Variants in FCRL5 observed in about 807,000 individuals in gnomAD.
The protein encoded by FCRL5 is Fc receptor-like protein 5.
Under a neutral mutation model 92.1 loss-of-function variants are expected in FCRL5, and 79 were observed. The ratio of observed to expected loss-of-function variants is 0.86; its 90% CI spans 0.72 to 1.03. The LOEUF (loss-of-function observed/expected upper bound fraction) is 1.03, where lower values mean the gene tolerates loss of function less well. Ranked by LOEUF, FCRL5 falls within the 50% of genes least tolerant of loss-of-function variation. FCRL5 has a pLI of 0.00. For synonymous variants in FCRL5, 466 were observed against 469.3 expected (o/e 0.99, Z 0.09); for missense variants, 1,160 against 1,181.1 (o/e 0.98, Z 0.26).
At chr1:157,547,578 A>T (rs979246863) in intron 2 of FCRL5, among the ~76,000 whole-genome samples, 1 of 152,218 alleles carries the variant, frequency 6.6e-6, no homozygotes, top group Non-Finnish European at 1.5e-5. Flanking sequence ...CACTTTCCCT[A>T]AGAGAATAAA....
At chr1:157,532,818 G>A (rs2101619740) in intron 8 of FCRL5, 1 of 152,262 alleles carries the variant, frequency 6.6e-6, no homozygotes, top group South Asian at 2.1e-4. Context: ...AGCCAGGGTT[G>A]AGAGCCAGTC....
intron 1 of FCRL5, among the ~76,000 whole-genome samples, chr1:157,549,830 G>A (rs1651735756): frequency 6.6e-6 from 1 of 152,028 alleles, no homozygotes. Flanking sequence ...AAGTTGACTA[G>A]TGGAAAAACA....
chr1:157,535,943 G>GTTT (rs60191062), intron 7 of FCRL5, among the ~76,000 whole-genome samples: 6 of 90,006 alleles, frequency 6.7e-5, no homozygotes, highest in Non-Finnish European at 8.5e-5. Flanking sequence ...ATGTGACTCA[G>GTTT]TTTTTTTTTT....
In FCRL5 at chr1:157,539,297, C is replaced by T; in HGVS notation, c.1191G>A (p.Val397=). 6.2e-7 allele frequency: 1 copy of T among 1,614,142 alleles called. No homozygotes were observed. Among genetic ancestry groups the T allele is most frequent in the South Asian group, 1.1e-5 (1 of 91,070 alleles). The stretch of plus-strand genomic sequence containing the variant: ...CTCTCTGGGCTTCACAGTGAAGTGT[C>T]ACCTTGGCTCCCTCAAAAATCAGGT... The part of the protein sequence containing the change: ...PEDLIFEGAK[V]TLHCEAQRGS... Residue 397 remains valine, a synonymous_variant, in exon 7 of 17, where the codon GTG becomes GTA. Transcript: ENST00000361835.
intron 6 of FCRL5, among the ~76,000 whole-genome samples, chr1:157,541,294 C>T (rs1462740525): frequency 1.3e-5 from 2 of 152,208 alleles, no homozygotes; most frequent in Non-Finnish European, 2.9e-5. Flanking sequence ...CTCTTTTACT[C>T]CTGGCTGCCC....
At chr1:157,534,372 G>C (rs1252443854) in intron 8 of FCRL5, 4 of 716,526 alleles carry the variant, frequency 5.6e-6, no homozygotes, top group Non-Finnish European at 1.0e-5. Context: ...AAGGAATGAG[G>C]AGAAAATACA....
intron 2 of FCRL5, chr1:157,547,468 ATGGAAG>A: frequency 1.6e-6 from 1 of 615,376 alleles, no homozygotes; most frequent in Non-Finnish European, 3.0e-6. Context: ...GTAGCCTTAC[ATGGAAG>A]TGGGTCCCAG....
At chr1:157,517,779 G>T (rs1464062274) in intron 15 of FCRL5, among the ~76,000 whole-genome samples, 1 of 152,154 alleles carries the variant, frequency 6.6e-6, no homozygotes, top group East Asian at 1.9e-4. Flanking sequence ...AGTACAGGTA[G>T]GTAGGTGCTA....
In FCRL5 at chr1:157,524,392, C is replaced by T. The variant is rs538870893; in HGVS notation, c.2126G>A (p.Gly709Glu). 80 of 1,614,228 alleles carry T rather than the reference C, an allele frequency of 5.0e-5. No homozygotes were observed. The East Asian group carries it at 1.7e-3, about 35-fold the overall frequency. Reference protein sequence around the residue: ...TLGKISAPSGGGASFNLSLTT... With the variant: ...TLGKISAPSGEGASFNLSLTT... ...CAGAGAGAGGTTGAAGGAGGCCCCT[C>T]CTCCAGAGGGGGCTGAGATCTTACC... The change falls in exon 10 of 17, where the codon GGA becomes GAA. Residue 709 changes from glycine to glutamate, a missense_variant. By Grantham distance (98) the Gly-to-Glu change is moderately conservative. Transcript: ENST00000361835.
chr1:157,552,200 C>T (rs1651852266), intron 1 of FCRL5, 132 bp downstream of exon 1: 1 of 880,596 alleles, frequency 1.1e-6, no homozygotes, highest in Non-Finnish European at 1.8e-6. Context: ...GAGTAAAGTT[C>T]AAAAATACAG....
chr1:157,533,885 C>T (rs1478572559), intron 8 of FCRL5: 1 of 158,770 alleles, frequency 6.3e-6, no homozygotes, highest in East Asian at 1.8e-4. Context: ...ATGTCTGACA[C>T]ATCAGGCTCA....
At position 157,543,048 on chromosome 1, in the gene FCRL5, C is replaced by T; in HGVS notation, c.934G>A (p.Glu312Lys). Residue 312 changes from glutamate to lysine, a missense_variant, in exon 6 of 17, where the codon GAA becomes AAA. By Grantham distance (56) the Glu-to-Lys change is moderately conservative. Transcript: ENST00000361835. Reference protein sequence around the residue: ...TKVTLHCETQEDSLRTLYRFY... With the variant: ...TKVTLHCETQKDSLRTLYRFY... The stretch of plus-strand genomic sequence containing the variant: ...CTGTACAAAGTGCGCAGAGAATCTT[C>T]CTGGGTTTCACAGTGAAGTGTCACC... 1 of 1,614,216 alleles carries T rather than the reference C, an allele frequency of 6.2e-7. No individual in the cohort carries two copies. Among genetic ancestry groups the T allele is most frequent in the African/African-American group, 1.3e-5 (1 of 75,068 alleles).
intron 6 of FCRL5, among the ~76,000 whole-genome samples, chr1:157,540,095 T>C (rs1247774198): frequency 6.6e-6 from 1 of 152,232 alleles, no homozygotes; most frequent in Non-Finnish European, 1.5e-5. Context: ...GTTTCACCAG[T>C]GCAGTTGTTC....
chr1:157,544,210 C>T (rs1328474082), intron 5 of FCRL5, 52 bp downstream of exon 5: 4 of 1,596,522 alleles, frequency 2.5e-6, no homozygotes, highest in Non-Finnish European at 3.4e-6. Context: ...GCAGCCCTGT[C>T]CCACTTTTCC....
intron 14 of FCRL5, 26 bp downstream of exon 14, chr1:157,518,674 C>T (rs1473184065): frequency 1.3e-6 from 2 of 1,598,362 alleles, no homozygotes; most frequent in Non-Finnish European, 1.7e-6. Context: ...CCAGCTTCTG[C>T]CAAATGCAGG....
chr1:157,518,277 T>G, intron 15 of FCRL5, 152 bp downstream of exon 15: 1 of 645,422 alleles, frequency 1.5e-6, no homozygotes, highest in Non-Finnish European at 2.8e-6. Flanking sequence ...TGGATTCACC[T>G]GAAGCAGCAT....
At position 157,520,479 on chromosome 1, in the gene FCRL5, G is replaced by A. The variant is rs1650125436; in HGVS notation, c.2584C>T (p.Leu862Phe). Residue 862 changes from leucine (L) to phenylalanine (F), a missense_variant, in exon 12 of 17, where the codon CTT becomes TTT. By Grantham distance (22) the Leu-to-Phe change is conservative. Transcript: ENST00000361835. ...VAGGLLSIAG[L>F]AAGALLLYCW... is the part of the protein sequence containing the mutation. ...TAGAGCAGCAGTGCCCCCGCAGCAA[G>A]GCCTGCTATGCTGAGCAGGCCCCCG... The A allele has an allele frequency of 6.3e-7, 1 of 1,575,102 alleles. No homozygotes were observed. The highest frequency in any genetic ancestry group is 1.2e-5 in the South Asian group (1 of 85,750).
chr1:157,515,666 C>T lies in FCRL5; in HGVS notation c.*9G>A, dbSNP rs750238435. 14 of 1,614,048 alleles carry T rather than the reference C, an allele frequency of 8.7e-6. No individual in the cohort carries two copies. Among genetic ancestry groups the T allele is most frequent in the Middle Eastern group, 1.6e-4 (1 of 6,082 alleles). Reference sequence around the variant, plus strand: ...GAGGCTGAAACAGCAGTTGGAGAGACGTGTGGACTCATCTGTGAGGAGCTG... The same window carrying T: ...GAGGCTGAAACAGCAGTTGGAGAGATGTGTGGACTCATCTGTGAGGAGCTG... On this transcript the variant is annotated 3_prime_UTR_variant, in exon 17 of 17. Transcript: ENST00000361835.
At chr1:157,547,786 C>T (rs1013566799) in intron 2 of FCRL5, among the ~76,000 whole-genome samples, 8 of 152,128 alleles carry the variant, frequency 5.3e-5, no homozygotes, top group Non-Finnish European at 4.4e-5. Context: ...CTGATTTGGA[C>T]AAGGAGAGGG....
Sources: allele counts gnomAD v4.1 joint callset (sites outside exome capture counted in the v4.1 genomes callset), GRCh38; gene constraint gnomAD v4.1.1; transcripts MANE v1.5; gene names NCBI Gene and HGNC (gene_info 2026-07-23, HGNC 2026-07-21).